AMMECR1L: variants seen among roughly 807,000 people sequenced by gnomAD.
The protein encoded by AMMECR1L is AMMECR1-like protein.
A neutral mutation model predicts 36.8 loss-of-function variants in AMMECR1L; 4 were observed. The ratio of observed to expected loss-of-function variants is 0.11; its 90% CI spans 0.05 to 0.25. The LOEUF (loss-of-function observed/expected upper bound fraction) is 0.25. AMMECR1L is among the 10% of genes least tolerant of loss of function. AMMECR1L has a pLI of 1.00. For synonymous variants in AMMECR1L, 147 were observed against 148.0 expected, an observed-to-expected ratio of 0.99 and a Z score of 0.05; for missense variants, 232 against 392.1, an observed-to-expected ratio of 0.59 and a Z score of 3.45.
In AMMECR1L at chr2:127,863,256, C is replaced by A. The variant is rs796932352; in HGVS notation, c.*1838G>T. ...ATTTATTCTCAGCAGCAGGAAATCACGAAACGACCCCTCCATCTTCATTTA... is the reference window on the plus strand; with the variant it reads ...ATTTATTCTCAGCAGCAGGAAATCAAGAAACGACCCCTCCATCTTCATTTA... On this transcript the variant is annotated 3_prime_UTR_variant, in exon 8 of 8. Coordinates refer to ENST00000272647, the MANE Select transcript of AMMECR1L (RefSeq NM_001199140.2). 1 of 151,656 alleles carries A rather than the reference C, an allele frequency of 6.6e-6. No homozygotes were observed. Among genetic ancestry groups the A allele is most frequent in the African/African-American group, 2.4e-5 (1 of 41,378 alleles). The allele number at this position is 151,656 out of a possible 1,614,324, so 9.4% of individuals were successfully genotyped here.
chr2:127,873,113 C>T lies in AMMECR1L; in HGVS notation c.407+715G>A. 1.0e-6 allele frequency: 1 copy of T among 985,370 alleles called. No individual in the cohort carries two copies. The highest frequency in any genetic ancestry group is 1.2e-6 in the Non-Finnish European group (1 of 829,920). The allele number at this position is 985,370 out of a possible 1,614,324, so 61.0% of individuals were successfully genotyped here. On this transcript the variant is annotated intron_variant, in intron 3 of 7. Transcript: ENST00000272647. The surrounding 1 kb of genome is among the most constrained non-coding windows in gnomAD (Gnocchi z 5.2). ...AATAATCTCATATCAATGAACACTC[C>T]AAAAGCATACCCCCAAAACAAAAAT...
chr2:127,885,351 G>A (rs1691715702), intron 1 of AMMECR1L: 1 of 983,662 alleles, frequency 1.0e-6, no homozygotes, highest in Non-Finnish European at 1.2e-6. Flanking sequence ...AGACGATGGA[G>A]CGACGGGTAG....
intron 1 of AMMECR1L, chr2:127,885,247 A>C: frequency 2.0e-6 from 2 of 984,682 alleles, no homozygotes; most frequent in Non-Finnish European, 2.4e-6. Flanking sequence ...ACGACAGGAC[A>C]GAGCGGGGAG....
At chr2:127,877,630 C>T (rs1182458406) in intron 2 of AMMECR1L, among the ~76,000 whole-genome samples, 2 of 151,626 alleles carry the variant, frequency 1.3e-5, no homozygotes, top group African/African-American at 4.8e-5. Context: ...GCCACCGCAC[C>T]TGGGCCAGAA....
chr2:127,870,689 T>C (rs1243903865), intron 5 of AMMECR1L, 125 bp downstream of exon 5: 8 of 681,246 alleles, frequency 1.2e-5, no homozygotes, highest in Admixed American at 3.2e-5. Context: ...TTGCCCACAA[T>C]TGGTTCCAAA....
At position 127,873,086 on chromosome 2, in the gene AMMECR1L, T is replaced by C; in HGVS notation, c.407+742A>G. The C allele has an allele frequency of 1.0e-6, 1 of 985,360 alleles. No homozygotes were observed. Among genetic ancestry groups the C allele is most frequent in the Non-Finnish European group, 1.2e-6 (1 of 829,922 alleles). 61.0% of individuals were successfully genotyped at this position (985,360 alleles called of 1,614,324 possible). A position where few individuals can be genotyped will look rare whatever the true frequency, so the allele number is the denominator to read the frequency against. On this transcript the variant is annotated intron_variant, in intron 3 of 7. Coordinates refer to ENST00000272647, the MANE Select transcript of AMMECR1L (RefSeq NM_001199140.2). The surrounding 1 kb of genome is among the most constrained non-coding windows in gnomAD (Gnocchi z 5.2). ...CGTATGGCAATCAACAACTGAGGAA[T>C]GAATAATCTCATATCAATGAACACT...
chr2:127,862,281 C>G lies in AMMECR1L; in HGVS notation c.*2813G>C, dbSNP rs765509740. 2 of 153,808 alleles carry G rather than the reference C, an allele frequency of 1.3e-5. No individual in the cohort carries two copies. Among genetic ancestry groups the G allele is most frequent in the Non-Finnish European group, 2.9e-5 (2 of 68,060 alleles). 9.5% of individuals were successfully genotyped at this position (153,808 alleles called of 1,614,324 possible). A position where few individuals can be genotyped will look rare whatever the true frequency, so the allele number is the denominator to read the frequency against. ...GGTCCTTGAAAACAGTGGTTACCTA[C>G]TGTCCAGCTCGAGCAGCCCAAGGAC... On this transcript the variant is annotated 3_prime_UTR_variant, in exon 8 of 8. Coordinates refer to ENST00000272647, the MANE Select transcript of AMMECR1L (RefSeq NM_001199140.2).
In AMMECR1L at chr2:127,869,023, G is replaced by A. The variant is rs185534920; in HGVS notation, c.724+431C>T. Among the ~76,000 whole-genome samples the A allele has an allele frequency of 1.3e-5, 2 of 152,042 alleles. No individual in the cohort carries two copies. Among genetic ancestry groups the A allele is most frequent in the East Asian group, 1.9e-4 (1 of 5,162 alleles). On this transcript the variant is annotated intron_variant, in intron 6 of 7. Coordinates refer to ENST00000272647, the MANE Select transcript of AMMECR1L (RefSeq NM_001199140.2). The surrounding 1 kb of genome is among the most constrained non-coding windows in gnomAD (Gnocchi z 4.7). ...TAGGAGTAAGCCACCACGCCTGGCC[G>A]ACTACTGAGTTCTTTAAAAAACAGT...
At chr2:127,867,732 G>A (rs1255979077) in intron 6 of AMMECR1L, among the ~76,000 whole-genome samples, 6 of 151,946 alleles carry the variant, frequency 3.9e-5, no homozygotes, top group Admixed American at 2.6e-4. Flanking sequence ...GGTGACAGGA[G>A]GAGACCCTGT....
Position 127,869,512 on chromosome 2 carries a change from A to T in AMMECR1L, c.666T>A (p.Ile222=). The T allele has an allele frequency of 6.2e-7, 1 of 1,614,110 alleles. No homozygotes were observed. Among genetic ancestry groups the T allele is most frequent in the Non-Finnish European group, 8.5e-7 (1 of 1,179,954 alleles). Residue 222 remains isoleucine (I), a synonymous_variant, in exon 6 of 8, where the codon ATT becomes ATA. Coordinates refer to ENST00000272647, the MANE Select transcript of AMMECR1L (RefSeq NM_001199140.2). The surrounding 1 kb of genome is among the most constrained non-coding windows in gnomAD (Gnocchi z 4.7). ...VGVHGIRIEF[I]NEKGVKRTAT... ...CTGTGCGTTTGACACCTTTTTCATT[A>T]ATGAATTCAATTCGAATCCCATGGA...
intron 2 of AMMECR1L, among the ~76,000 whole-genome samples, chr2:127,877,086 T>C (rs1422106465): frequency 3.3e-5 from 5 of 150,582 alleles, no homozygotes; most frequent in Non-Finnish European, 7.4e-5. Flanking sequence ...CAGTGACTAG[T>C]ATGTGTTAAG....
At chr2:127,875,376 A>G (rs1358803562) in intron 2 of AMMECR1L, among the ~76,000 whole-genome samples, 1 of 152,144 alleles carries the variant, frequency 6.6e-6, no homozygotes, top group African/African-American at 2.4e-5. Flanking sequence ...GGAAAGAGAG[A>G]GAAAGAAGGG....
intron 6 of AMMECR1L, among the ~76,000 whole-genome samples, chr2:127,868,836 TGCCTCA>T (rs1690826816): frequency 6.6e-6 from 1 of 152,028 alleles, no homozygotes; most frequent in Non-Finnish European, 1.5e-5. Context: ...GTGATTCTCC[TGCCTCA>T]GCCTCCTGAG....
intron 2 of AMMECR1L, among the ~76,000 whole-genome samples, chr2:127,875,455 G>T (rs557945587): frequency 1.2e-4 from 19 of 152,228 alleles, no homozygotes; most frequent in Middle Eastern, 3.4e-3. Context: ...CTGTGATTTG[G>T]ACATGTCATA....
Position 127,865,369 on chromosome 2 carries a change from ATGT to A in AMMECR1L, c.822-167_822-165del, listed in dbSNP as rs1196577003. Reference sequence around the variant, plus strand: ...AAATGAAAGACAGCACAAGAAAACAATGTTGTTATTACAAATGAACAAGATGAA... The same window carrying A: ...AAATGAAAGACAGCACAAGAAAACAATGTTATTACAAATGAACAAGATGAA... On this transcript the variant is annotated intron_variant, in intron 7 of 7. Transcript: ENST00000272647. This position sits in a 1 kb window ranked among gnomAD's most constrained non-coding sequence, Gnocchi z 5.4. 2.6e-5 allele frequency among the ~76,000 whole-genome samples: 4 copies of A among 152,228 alleles called. No homozygotes were observed. The highest frequency in any genetic ancestry group is 4.1e-4 in the South Asian group (2 of 4,836).
chr2:127,878,615 G>A (rs1691353969), intron 2 of AMMECR1L, among the ~76,000 whole-genome samples: 1 of 152,172 alleles, frequency 6.6e-6, no homozygotes, highest in African/African-American at 2.4e-5. Flanking sequence ...CAATGCAGAT[G>A]AACTCAAGTC....
rs1690979697 is a variant in AMMECR1L, at chr2:127,871,768, G to GC, written c.408-410dup. 1.3e-5 allele frequency among the ~76,000 whole-genome samples: 2 copies of GC among 152,050 alleles called. No homozygotes were observed. Among genetic ancestry groups the GC allele is most frequent in the African/African-American group, 4.8e-5 (2 of 41,384 alleles). On this transcript the variant is annotated intron_variant, in intron 3 of 7. Transcript: ENST00000272647. The surrounding 1 kb of genome is among the most constrained non-coding windows in gnomAD (Gnocchi z 4.3). ...CATGATGACACGCCTCACCTGCACA[G>GC]CCCCGTTCATCTGCAAACCCATGTT...
rs369050172 is a variant in AMMECR1L at position 127,868,047 on chromosome 2, T to A, written c.725-1051A>T. ...GTGCCACCACACCCAGCTGAATTTGTATTTTTTGTAGAGACGAGGTTTCGC... is the reference window on the plus strand; with the variant it reads ...GTGCCACCACACCCAGCTGAATTTGAATTTTTTGTAGAGACGAGGTTTCGC... On this transcript the variant is annotated intron_variant, in intron 6 of 7. Coordinates refer to ENST00000272647, the MANE Select transcript of AMMECR1L (RefSeq NM_001199140.2). Among the ~76,000 whole-genome samples the A allele has an allele frequency of 2.6e-5, 4 of 152,256 alleles. No homozygotes were observed. In the East Asian group the frequency reaches 5.8e-4, roughly 22 times the overall value.
chr2:127,870,572 G>A (rs544916156), intron 5 of AMMECR1L, among the ~76,000 whole-genome samples: 8 of 152,218 alleles, frequency 5.3e-5, no homozygotes, highest in African/African-American at 1.9e-4. Context: ...ATTAGACATG[G>A]GAGAAGGATG....
Sources: gnomAD v4.1 joint callset for allele counts (sites outside exome capture counted in the v4.1 genomes callset) on GRCh38, gnomAD v4.1.1 for gene constraint, Gnocchi (gnomAD v3.1) non-coding constraint, MANE v1.5 for transcripts, NCBI Gene and HGNC (gene_info 2026-07-23, HGNC 2026-07-21) for gene names.